SLC8A1: variants seen among roughly 807,000 people sequenced by gnomAD.
SLC8A1 encodes the protein sodium/calcium exchanger 1.
Under a neutral mutation model 68.3 loss-of-function variants are expected in SLC8A1, and 18 were observed. The ratio of observed to expected loss-of-function variants is 0.26; its 90% confidence interval spans 0.18 to 0.39. The LOEUF (loss-of-function observed/expected upper bound fraction) is 0.39. Among genes scored for constraint, SLC8A1 ranks in the 10% least tolerant of loss-of-function variants. The pLI, the probability that SLC8A1 is intolerant of heterozygous loss-of-function variation, is 1.00. For missense variants in SLC8A1, 985 were observed against 1,156.7 expected (o/e 0.85, Z 2.15); for synonymous variants, 475 against 415.5 (o/e 1.14, Z -1.74).
chr2:40,329,955 A>AG (rs1466232517), intron 2 of SLC8A1, among the ~76,000 whole-genome samples: 4 of 152,144 alleles, frequency 2.6e-5, no homozygotes, highest in African/African-American at 7.2e-5. Context: ...TGTAATAAAA[A>AG]GGGGGGGAAA....
intron 2 of SLC8A1, among the ~76,000 whole-genome samples, chr2:40,274,693 C>T (rs961485885): frequency 6.6e-6 from 1 of 152,096 alleles, no homozygotes; most frequent in Non-Finnish European, 1.5e-5. Flanking sequence ...GATAGTAAAT[C>T]AAAATTCTAC....
chr2:40,441,088 A>T (rs1456052123), intron 1 of SLC8A1, among the ~76,000 whole-genome samples: 3 of 152,226 alleles, frequency 2.0e-5, no homozygotes, highest in Non-Finnish European at 4.4e-5. Flanking sequence ...GTCTCAGGAA[A>T]CAAAATGGAT....
intron 2 of SLC8A1, among the ~76,000 whole-genome samples, chr2:40,284,139 CAA>C (rs2067908840): frequency 6.6e-6 from 1 of 151,802 alleles, no homozygotes; most frequent in Non-Finnish European, 1.5e-5. Flanking sequence ...CCATTTTCTC[CAA>C]AAGTGTGCTT....
chr2:40,124,872 A>C lies in SLC8A1; in HGVS notation c.2438-9243T>G, dbSNP rs566770522. Among the ~76,000 whole-genome samples, 5 of 152,352 alleles carry C rather than the reference A, an allele frequency of 3.3e-5. No homozygotes were observed. The South Asian group carries it at 1.0e-3, about 32-fold the overall frequency. On this transcript the variant is annotated intron_variant, in intron 7 of 7. Coordinates refer to ENST00000406785, the Ensembl canonical transcript of SLC8A1. ...TTGTGAGAAAGCAGGTTATGTAACT[A>C]TGCCTACTATTAGTCCATAAAAAAG...
chr2:40,138,495 G>A (rs748013019), intron 7 of SLC8A1, among the ~76,000 whole-genome samples: 6 of 152,156 alleles, frequency 3.9e-5, no homozygotes, highest in Non-Finnish European at 8.8e-5. Context: ...GTTGCTCAAA[G>A]TAAAGGCTAT....
At chr2:40,434,249 G>C (rs965593003) in intron 1 of SLC8A1, among the ~76,000 whole-genome samples, 1 of 152,204 alleles carries the variant, frequency 6.6e-6, no homozygotes, top group Non-Finnish European at 1.5e-5. Context: ...ATATTCAAAA[G>C]AGAGCAGTAT....
intron 2 of SLC8A1, among the ~76,000 whole-genome samples, chr2:40,298,486 G>T (rs1257370352): frequency 6.6e-6 from 1 of 152,104 alleles, no homozygotes; most frequent in Non-Finnish European, 1.5e-5. Flanking sequence ...GGATTTTGGG[G>T]GTAGGAGAAT....
intron 1 of SLC8A1, among the ~76,000 whole-genome samples, chr2:40,493,646 C>T (rs1705481077): frequency 1.7e-5 from 2 of 117,476 alleles, no homozygotes; most frequent in Non-Finnish European, 3.3e-5. Context: ...AATCTTTCCT[C>T]AGTATTTTTT....
At chr2:40,187,495 C>T (rs1442329892) in intron 2 of SLC8A1, among the ~76,000 whole-genome samples, 1 of 152,124 alleles carries the variant, frequency 6.6e-6, no homozygotes, top group Non-Finnish European at 1.5e-5. Context: ...CCAGGGAGAC[C>T]AAGGGAGCTT....
At chr2:40,481,125 G>A (rs1027414679) in intron 1 of SLC8A1, among the ~76,000 whole-genome samples, 2 of 152,180 alleles carry the variant, frequency 1.3e-5, no homozygotes, top group African/African-American at 2.4e-5. Context: ...TTATGTGTAA[G>A]AGTGTGTGTG....
At chr2:40,438,295 C>T (rs972158737) in intron 1 of SLC8A1, among the ~76,000 whole-genome samples, 1 of 152,144 alleles carries the variant, frequency 6.6e-6, no homozygotes, top group African/African-American at 2.4e-5. Flanking sequence ...AGGTCATATA[C>T]ATGCTTTTAT....
chr2:40,388,125 A>G (rs2216008), intron 2 of SLC8A1, among the ~76,000 whole-genome samples: 59,391 of 151,806 alleles, frequency 0.39, 12,371 homozygotes, highest in Non-Finnish European at 0.46. Flanking sequence ...CCAAATAAAC[A>G]AATGTTTATG....
At chr2:40,283,895 T>G (rs1440146821) in intron 2 of SLC8A1, among the ~76,000 whole-genome samples, 3 of 152,192 alleles carry the variant, frequency 2.0e-5, no homozygotes, top group Non-Finnish European at 4.4e-5. Context: ...GTCAGTGGTC[T>G]GGCATATCTA....
At chr2:40,287,835 G>A (rs1458619727) in intron 2 of SLC8A1, among the ~76,000 whole-genome samples, 3 of 151,958 alleles carry the variant, frequency 2.0e-5, no homozygotes, top group Non-Finnish European at 4.4e-5. Context: ...CCTTTGCTCT[G>A]CTGCTTGTCA....
intron 2 of SLC8A1, among the ~76,000 whole-genome samples, chr2:40,220,689 A>C (rs975590755): frequency 2.6e-5 from 4 of 151,910 alleles, no homozygotes; most frequent in South Asian, 2.1e-4. Context: ...GGGTGGTGAA[A>C]AGTCTTCTTG....
At chr2:40,493,359 G>A (rs190412472) in intron 1 of SLC8A1, among the ~76,000 whole-genome samples, 2,115 of 117,894 alleles carry the variant, frequency 0.018, 23 homozygotes, top group Middle Eastern at 0.065. Flanking sequence ...GTGGGGGGGA[G>A]GGGGGAGGGA....
chr2:40,480,818 A>T (rs939166431), intron 1 of SLC8A1, among the ~76,000 whole-genome samples: 1 of 152,160 alleles, frequency 6.6e-6, no homozygotes, highest in Admixed American at 6.5e-5. Context: ...CCACGACGTT[A>T]TACAGGCTAA....
intron 7 of SLC8A1, among the ~76,000 whole-genome samples, chr2:40,127,766 G>A (rs1362753662): frequency 3.9e-5 from 6 of 152,168 alleles, no homozygotes; most frequent in Non-Finnish European, 7.4e-5. Context: ...AGGATGGGGT[G>A]GGGAGCAATC....
chr2:40,145,397 T>C (rs2042271653), intron 6 of SLC8A1, among the ~76,000 whole-genome samples: 2 of 152,184 alleles, frequency 1.3e-5, no homozygotes, highest in African/African-American at 4.8e-5. Flanking sequence ...CTCATCACCC[T>C]TGAATTTGGG....
Sources: allele counts gnomAD v4.1 joint callset (sites outside exome capture counted in the v4.1 genomes callset), GRCh38; gene constraint gnomAD v4.1.1; transcripts MANE v1.5; gene names NCBI Gene and HGNC (gene_info 2026-07-23, HGNC 2026-07-21).